Variants in PCDHA5 observed in about 807,000 individuals in gnomAD.
The protein encoded by PCDHA5 is protocadherin alpha-5.
PCDHA5 carries 43 observed loss-of-function variants against 61.6 expected under a neutral mutation model. That is an observed-to-expected ratio of 0.70 (90% CI 0.55 to 0.90). PCDHA5 has a LOEUF of 0.90. Among genes scored for constraint, PCDHA5 ranks in the 40% least tolerant of loss-of-function variants. PCDHA5 has a pLI of 0.00. For synonymous variants in PCDHA5, 627 were observed against 543.9 expected, an observed-to-expected ratio of 1.15 and a Z score of -2.13; for missense variants, 1,298 against 1,222.7, an observed-to-expected ratio of 1.06 and a Z score of -0.92.
chr5:140,969,238 A>G, intron 1 of PCDHA5: 3 of 1,614,222 alleles, frequency 1.9e-6, no homozygotes, highest in South Asian at 1.1e-5. Flanking sequence ...GAGCCCAAGC[A>G]GCAGTGACTG....
intron 1 of PCDHA5, among the ~76,000 whole-genome samples, chr5:140,937,039 C>CTTT (rs34994034): frequency 3.6e-5 from 5 of 140,162 alleles, no homozygotes; most frequent in African/African-American, 5.3e-5. Context: ...TTCCATTTAT[C>CTTT]TTTTTTTTTT....
chr5:140,856,884 C>T, intron 1 of PCDHA5: 1 of 1,596,124 alleles, frequency 6.3e-7, no homozygotes. Context: ...ATGATGTATT[C>T]ATTTAGCTCT....
Position 140,858,389 on chromosome 5 carries a change from G to A in PCDHA5, c.2352+34262G>A. The A allele has an allele frequency of 1.3e-6, 2 of 1,580,024 alleles. 1 individual carries two copies. Among genetic ancestry groups the A allele is most frequent in the Non-Finnish European group, 1.7e-6 (2 of 1,156,144 alleles). On this transcript the variant is annotated intron_variant, in intron 1 of 3. Transcript: ENST00000529859. ...CAGCCTTCCACCATGCCCAATGGTA[G>A]ATGTGGACGGGGAAGATCAGTCTAT...
rs2150111522 is a variant in PCDHA5, at chr5:140,821,876, T to C, written c.101T>C (p.Ile34Thr). 3 of 1,614,184 alleles carry C rather than the reference T, an allele frequency of 1.9e-6. No individual in the cohort carries two copies. In the African/African-American group the frequency reaches 4.0e-5, roughly 22 times the overall value. Reference protein sequence around the residue: ...KAGSGQLHYSIPEEAKHGTFV... With the variant: ...KAGSGQLHYSTPEEAKHGTFV... ...GGGAGCGGCCAGCTCCACTACTCGA[T>C]CCCGGAGGAAGCCAAACACGGAACC... The change falls in exon 1 of 4, where the codon ATC becomes ACC. Residue 34 changes from isoleucine to threonine, a missense_variant. Coordinates refer to ENST00000529859, the MANE Select transcript of PCDHA5 (RefSeq NM_018908.3).
intron 1 of PCDHA5, among the ~76,000 whole-genome samples, chr5:140,962,883 T>C (rs570394633): frequency 5.6e-4 from 86 of 152,222 alleles, no homozygotes; most frequent in Non-Finnish European, 1.0e-3. Flanking sequence ...ATACATGAAT[T>C]AAAAAATGAA....
chr5:140,890,499 TTA>T (rs1320014650), intron 1 of PCDHA5, among the ~76,000 whole-genome samples: 1 of 152,222 alleles, frequency 6.6e-6, no homozygotes, highest in Non-Finnish European at 1.5e-5. Flanking sequence ...CTCACCATTT[TTA>T]TGTCTCTATT....
chr5:140,922,765 A>T (rs1346337086), intron 1 of PCDHA5, among the ~76,000 whole-genome samples: 1 of 152,258 alleles, frequency 6.6e-6, no homozygotes, highest in Non-Finnish European at 1.5e-5. Flanking sequence ...TAAAGAATTT[A>T]AAAGAACTGG....
chr5:141,011,749 G>T lies in PCDHA5; in HGVS notation c.*1812G>T, dbSNP rs782567787. 1.2e-4 allele frequency: 18 copies of T among 153,636 alleles called. No homozygotes were observed. Among genetic ancestry groups the T allele is most frequent in the Non-Finnish European group, 2.5e-4 (17 of 68,010 alleles). 9.5% of individuals were successfully genotyped at this position (153,636 alleles called of 1,614,324 possible). A position where few individuals can be genotyped will look rare whatever the true frequency, so the allele number is the denominator to read the frequency against. On this transcript the variant is annotated 3_prime_UTR_variant, in exon 4 of 4. Coordinates refer to ENST00000529859, the MANE Select transcript of PCDHA5 (RefSeq NM_018908.3). ...GTGCAAGCACAAATTTTACCAATCT[G>T]ACCTCTTTGAAGTTGCAGAATGCTT...
At chr5:140,853,128 C>T (rs2150528900) in intron 1 of PCDHA5, 17 of 607,300 alleles carry the variant, frequency 2.8e-5, no homozygotes, top group Non-Finnish European at 3.6e-5. Flanking sequence ...ATCCTCCCGC[C>T]TCAGCCTCCC....
At chr5:140,868,969 T>G (rs986271383) in intron 1 of PCDHA5, 1 of 1,450,578 alleles carries the variant, frequency 6.9e-7, no homozygotes, top group South Asian at 1.4e-5. Flanking sequence ...ACAAAGGAAC[T>G]CCATCATACC....
chr5:140,887,454 T>A (rs1234442880), intron 1 of PCDHA5, among the ~76,000 whole-genome samples: 5 of 152,178 alleles, frequency 3.3e-5, no homozygotes, highest in Non-Finnish European at 7.3e-5. Context: ...GACAGTTTTT[T>A]AAAAGATATA....
At chr5:140,895,590 T>C (rs1554186569) in intron 1 of PCDHA5, among the ~76,000 whole-genome samples, 2 of 152,208 alleles carry the variant, frequency 1.3e-5, no homozygotes, top group Non-Finnish European at 2.9e-5. Context: ...ATTAGATATA[T>C]AATTTGCAAA....
chr5:140,871,594 A>G (rs1278020366), intron 1 of PCDHA5: 2 of 1,456,310 alleles, frequency 1.4e-6, no homozygotes, highest in Non-Finnish European at 1.8e-6. Context: ...TTTATGAATA[A>G]CCAGTGTTTT....
In PCDHA5 at chr5:140,841,379, C is replaced by A. The variant is rs2150314416; in HGVS notation, c.2352+17252C>A. The A allele has an allele frequency of 9.9e-6, 16 of 1,613,486 alleles. No homozygotes were observed. In the African/African-American group the frequency reaches 2.1e-4, roughly 22 times the overall value. ...CTGGCGACTACTACTCTTGCTTCTG[C>A]TCCTCGCAGCCTGGAAGGTGGGGAG... On this transcript the variant is annotated intron_variant, in intron 1 of 3. Coordinates refer to ENST00000529859, the MANE Select transcript of PCDHA5 (RefSeq NM_018908.3).
At chr5:140,858,045 T>A (rs2150410176) in intron 1 of PCDHA5, 2 of 1,597,338 alleles carry the variant, frequency 1.3e-6, no homozygotes, top group Non-Finnish European at 1.7e-6. Flanking sequence ...ACTGTGCTTG[T>A]GTCGCTTGTG....
intron 1 of PCDHA5, chr5:140,841,123 T>C: frequency 1.6e-6 from 1 of 643,846 alleles, no homozygotes; most frequent in Non-Finnish European, 2.6e-6. Context: ...ATGTAATCAT[T>C]ACCTTTTGAA....
intron 1 of PCDHA5, chr5:140,877,791 C>T: frequency 6.2e-7 from 1 of 1,614,022 alleles, no homozygotes. Flanking sequence ...TGGCCTTCAG[C>T]CCAAGCCTTC....
At chr5:140,853,146 T>G in intron 1 of PCDHA5, 1 of 817,808 alleles carries the variant, frequency 1.2e-6, no homozygotes, top group Non-Finnish European at 1.5e-6. Flanking sequence ...CCCAAAATGC[T>G]GGGATTACAG....
At chr5:140,854,871 T>A (rs2043250879) in intron 1 of PCDHA5, among the ~76,000 whole-genome samples, 2 of 149,910 alleles carry the variant, frequency 1.3e-5, no homozygotes, top group South Asian at 4.2e-4. Context: ...ATTTCAGAAC[T>A]GTGTCTTTTG....
Sources: gnomAD v4.1 joint callset for allele counts (sites outside exome capture counted in the v4.1 genomes callset) on GRCh38, gnomAD v4.1.1 for gene constraint, MANE v1.5 for transcripts, NCBI Gene and HGNC (gene_info 2026-07-23, HGNC 2026-07-21) for gene names.